XXYLT1: variants seen among roughly 807,000 people sequenced by gnomAD.
XXYLT1 encodes xyloside xylosyltransferase 1, also known as UDP-xylose:alpha-xyloside alpha-1,3-xylosyltransferase.
A neutral mutation model predicts 28.9 loss-of-function variants in XXYLT1; 20 were observed. The ratio of observed to expected loss-of-function variants is 0.69; its 90% CI spans 0.49 to 1.00. The LOEUF (loss-of-function observed/expected upper bound fraction) is 1.00, where lower values mean the gene tolerates loss of function less well. Among genes scored for constraint, XXYLT1 ranks in the 50% least tolerant of loss-of-function variants. The probability of loss-of-function intolerance (pLI) is 0.00; values close to 1 mark genes in which losing one functional copy is unlikely to be tolerated. For synonymous variants in XXYLT1, 257 were observed against 253.8 expected (o/e 1.01, Z -0.12); for missense variants, 542 against 560.1 (o/e 0.97, Z 0.33).
At chr3:195,205,873 GACA>G (rs140031435) in intron 2 of XXYLT1, among the ~76,000 whole-genome samples, 3,082 of 151,870 alleles carry the variant, frequency 0.02, 51 homozygotes, top group Non-Finnish European at 0.031. Context: ...AAAACTAACA[GACA>G]ACAACAACAA....
intron 3 of XXYLT1, among the ~76,000 whole-genome samples, chr3:195,143,886 A>T (rs74443104): frequency 0.026 from 2,997 of 116,202 alleles, 239 homozygotes; most frequent in African/African-American, 0.07. Flanking sequence ...ATATATATAT[A>T]TATTTATTTT....
intron 1 of XXYLT1, among the ~76,000 whole-genome samples, chr3:195,229,024 G>A (rs1308515837): frequency 6.6e-6 from 1 of 151,904 alleles, no homozygotes; most frequent in East Asian, 1.9e-4. Flanking sequence ...TGTTGGCTAG[G>A]CTGGTCTCGA....
At position 195,078,117 on chromosome 3, in the gene XXYLT1, GA is replaced by G. The variant is rs1715226399; in HGVS notation, c.786-8007del. Among the ~76,000 whole-genome samples, 2 of 152,178 alleles carry G rather than the reference GA, an allele frequency of 1.3e-5. No individual in the cohort carries two copies. Among genetic ancestry groups the G allele is most frequent in the African/African-American group, 4.8e-5 (2 of 41,446 alleles). ...GAAACAGCCATGGCGGAGCTGGGAG[GA>G]GTGGGTGTGGGGCGGAGGAAAAGGG... On this transcript the variant is annotated intron_variant, in intron 3 of 3. Transcript: ENST00000310380. This position sits in a 1 kb window ranked among gnomAD's most constrained non-coding sequence, Gnocchi z 5.0.
rs1464237573 is a variant in XXYLT1 at position 195,124,213 on chromosome 3, C to A, written c.785+32236G>T. 1.3e-5 allele frequency among the ~76,000 whole-genome samples: 2 copies of A among 152,186 alleles called. No individual in the cohort carries two copies. The highest frequency in any genetic ancestry group is 4.8e-5 in the African/African-American group (2 of 41,448). On this transcript the variant is annotated intron_variant, in intron 3 of 3. Coordinates refer to ENST00000310380, the MANE Select transcript of XXYLT1 (RefSeq NM_152531.5). This position sits in a 1 kb window ranked among gnomAD's most constrained non-coding sequence, Gnocchi z 4.1. The stretch of plus-strand genomic sequence containing the variant: ...ATTTTACAGACAAAGAGACAGAGGG[C>A]CAGGGTGGTTACGCAGTAAGCCAGA...
At chr3:195,200,557 C>G (rs1218071862) in intron 2 of XXYLT1, among the ~76,000 whole-genome samples, 7 of 152,186 alleles carry the variant, frequency 4.6e-5, no homozygotes, top group Non-Finnish European at 8.8e-5. Context: ...ACCAACTTGG[C>G]TCCTCCCAGG....
rs1001119245 is a variant in XXYLT1 at position 195,255,933 on chromosome 3, G to A, written c.504+14622C>T. Among the ~76,000 whole-genome samples the A allele has an allele frequency of 1.3e-5, 2 of 152,156 alleles. No homozygotes were observed. Among genetic ancestry groups the A allele is most frequent in the Non-Finnish European group, 2.9e-5 (2 of 68,016 alleles). On this transcript the variant is annotated intron_variant, in intron 1 of 3. Coordinates refer to ENST00000310380, the MANE Select transcript of XXYLT1 (RefSeq NM_152531.5). The surrounding 1 kb of genome is among the most constrained non-coding windows in gnomAD (Gnocchi z 4.5). Reference sequence around the variant, plus strand: ...ACCTCCTAGAAAGAGGCTCCCTGCTGTTCTATGGGCAGCTCCTGGAGGAGG... The same window carrying A: ...ACCTCCTAGAAAGAGGCTCCCTGCTATTCTATGGGCAGCTCCTGGAGGAGG...
intron 3 of XXYLT1, among the ~76,000 whole-genome samples, chr3:195,132,681 G>A (rs1718961387): frequency 6.6e-6 from 1 of 152,214 alleles, no homozygotes; most frequent in South Asian, 2.1e-4. Flanking sequence ...AATCAGAGCT[G>A]AAGAGCCAAG....
chr3:195,239,620 T>C (rs1007596811), intron 1 of XXYLT1, among the ~76,000 whole-genome samples: 5 of 152,242 alleles, frequency 3.3e-5, no homozygotes, highest in African/African-American at 9.6e-5. Context: ...TTTGTTTACA[T>C]ACACATACTT....
chr3:195,224,496 T>C (rs1723964048), intron 2 of XXYLT1, among the ~76,000 whole-genome samples: 1 of 152,212 alleles, frequency 6.6e-6, no homozygotes, highest in Admixed American at 6.5e-5. Context: ...TCCCTAACTC[T>C]TGTCATCGGT....
intron 2 of XXYLT1, among the ~76,000 whole-genome samples, chr3:195,207,978 C>T (rs1317544211): frequency 2.0e-5 from 3 of 152,176 alleles, no homozygotes; most frequent in Non-Finnish European, 4.4e-5. Context: ...CAGAAAGTGC[C>T]CAAGACAGAA....
intron 3 of XXYLT1, among the ~76,000 whole-genome samples, chr3:195,109,605 GTGTGTTGTATGA>G (rs1195850914): frequency 2.3e-4 from 16 of 70,078 alleles, no homozygotes; most frequent in Non-Finnish European, 4.9e-4. Context: ...TGTGTGTGGT[GTGTGTTGTATGA>G]GTGTGTGTGG....
intron 3 of XXYLT1, among the ~76,000 whole-genome samples, chr3:195,087,711 T>C (rs1715814799): frequency 6.6e-6 from 1 of 152,214 alleles, no homozygotes; most frequent in Non-Finnish European, 1.5e-5. Context: ...AGCTCTGGTG[T>C]ACAGCTCCCA....
intron 1 of XXYLT1, among the ~76,000 whole-genome samples, chr3:195,268,682 TC>T (rs1725923027): frequency 6.6e-6 from 1 of 151,820 alleles, no homozygotes; most frequent in Admixed American, 6.6e-5. Context: ...TGGCTAGAAG[TC>T]CCCAGACACT....
chr3:195,112,237 G>C (rs1717758815), intron 3 of XXYLT1, among the ~76,000 whole-genome samples: 1 of 152,174 alleles, frequency 6.6e-6, no homozygotes, highest in African/African-American at 2.4e-5. Context: ...TCCGGGTCAG[G>C]TTCTGTGGGC....
intron 3 of XXYLT1, among the ~76,000 whole-genome samples, chr3:195,123,292 G>A (rs187292538): frequency 3.3e-5 from 5 of 152,114 alleles, no homozygotes; most frequent in South Asian, 2.1e-4. Flanking sequence ...CAGCATAAGG[G>A]GCTGCCTAAA....
At position 195,240,436 on chromosome 3, in the gene XXYLT1, G is replaced by C. The variant is rs1026305620; in HGVS notation, c.505-13580C>G. ...ACACTCCCTGGGGACATAAACTCAG[G>C]CCAAGCCTTTAGCTCCATTTGGTGG... On this transcript the variant is annotated intron_variant, in intron 1 of 3. Transcript: ENST00000310380. The surrounding 1 kb of genome is among the most constrained non-coding windows in gnomAD (Gnocchi z 4.7). Among the ~76,000 whole-genome samples the C allele has an allele frequency of 6.6e-6, 1 of 152,248 alleles. No individual in the cohort carries two copies. The highest frequency in any genetic ancestry group is 1.5e-5 in the Non-Finnish European group (1 of 68,044).
chr3:195,071,401 C>G (rs903911091), intron 3 of XXYLT1, among the ~76,000 whole-genome samples: 1 of 152,224 alleles, frequency 6.6e-6, no homozygotes, highest in East Asian at 1.9e-4. Context: ...GGGGCCACTT[C>G]TCAGCACCAG....
intron 2 of XXYLT1, among the ~76,000 whole-genome samples, chr3:195,164,892 G>A (rs1024946562): frequency 6.6e-6 from 1 of 152,076 alleles, no homozygotes; most frequent in African/African-American, 2.4e-5. Flanking sequence ...CCTTTGCAAT[G>A]ATGGAGTCCG....
At chr3:195,141,846 C>T (rs947104595) in intron 3 of XXYLT1, among the ~76,000 whole-genome samples, 4 of 152,168 alleles carry the variant, frequency 2.6e-5, no homozygotes, top group Admixed American at 6.5e-5. Context: ...CCTAATTGAG[C>T]GACTAGACTC....
Sources: gnomAD v4.1 joint callset for allele counts (sites outside exome capture counted in the v4.1 genomes callset) on GRCh38, gnomAD v4.1.1 for gene constraint, Gnocchi (gnomAD v3.1) non-coding constraint, MANE v1.5 for transcripts, NCBI Gene and HGNC (gene_info 2026-07-23, HGNC 2026-07-21) for gene names.